CHD6: variants seen among roughly 807,000 people sequenced by gnomAD.
The protein encoded by CHD6 is ATP-dependent chromatin remodeler CHD6.
CHD6 carries 50 observed loss-of-function variants against 276.9 expected under a neutral mutation model. The ratio of observed to expected loss-of-function variants is 0.18; its 90% CI spans 0.14 to 0.23. The LOEUF (loss-of-function observed/expected upper bound fraction) is 0.23. Among genes scored for constraint, CHD6 ranks in the 10% least tolerant of loss-of-function variants. The pLI is 1.00. For synonymous variants in CHD6, 1,173 were observed against 1,229.3 expected, an observed-to-expected ratio of 0.95 and a Z score of 0.96; for missense variants, 2,564 against 3,365.8, an observed-to-expected ratio of 0.76 and a Z score of 5.89.
intron 31 of CHD6, among the ~76,000 whole-genome samples, chr20:41,420,271 TTA>T (rs958201346): frequency 4.6e-5 from 7 of 152,110 alleles, no homozygotes; most frequent in Admixed American, 3.3e-4. Context: ...CCTGCCCAAA[TTA>T]TATGAGTGAG....
At position 41,452,915 on chromosome 20, in the gene CHD6, C is replaced by G; in HGVS notation, c.3148G>C (p.Val1050Leu). The G allele has an allele frequency of 6.2e-7, 1 of 1,613,738 alleles. No individual in the cohort carries two copies. Among genetic ancestry groups the G allele is most frequent in the Non-Finnish European group, 8.5e-7 (1 of 1,179,942 alleles). Residue 1050 changes from valine (V) to leucine (L), a missense_variant, in exon 21 of 37, where the codon GTG (valine) becomes CTG (leucine). Val to Leu is a conservative substitution (Grantham distance 32). Transcript: ENST00000373233. This position sits in a 1 kb window ranked among gnomAD's most constrained non-coding sequence, Gnocchi z 4.2. ...KESLVIDRPR[V>L]RKQTKHYNSF... ...TTGTAGTGTTTGGTCTGCTTTCTCA[C>G]GCGAGGTCGGTCGATCACTAAGCTT...
At chr20:41,419,615 G>A (rs2047121525) in intron 31 of CHD6, among the ~76,000 whole-genome samples, 1 of 130,228 alleles carries the variant, frequency 7.7e-6, no homozygotes, top group Non-Finnish European at 1.6e-5. Flanking sequence ...GAGGGACTTA[G>A]CTTAGCTCCT....
At chr20:41,492,385 T>C (rs2043576870) in intron 10 of CHD6, among the ~76,000 whole-genome samples, 1 of 152,208 alleles carries the variant, frequency 6.6e-6, no homozygotes, top group African/African-American at 2.4e-5. Context: ...CTATCTACCT[T>C]TCATATGCCA....
At chr20:41,439,970 A>T (rs1462920642) in intron 26 of CHD6, 30 bp downstream of exon 26, 1 of 1,611,398 alleles carries the variant, frequency 6.2e-7, no homozygotes, top group South Asian at 1.1e-5. Flanking sequence ...ATGGCATGTC[A>T]CATGAGGGCT....
intron 1 of CHD6, among the ~76,000 whole-genome samples, chr20:41,596,444 T>C (rs1270461111): frequency 6.6e-6 from 1 of 152,114 alleles, no homozygotes; most frequent in Non-Finnish European, 1.5e-5. Flanking sequence ...ATCTTCAGTA[T>C]TCTCTTTTCG....
intron 1 of CHD6, among the ~76,000 whole-genome samples, chr20:41,558,382 G>A (rs866365710): frequency 4.6e-5 from 7 of 152,210 alleles, no homozygotes; most frequent in South Asian, 2.1e-4. Flanking sequence ...AATCTATGGC[G>A]TCTGCCACAT....
intron 1 of CHD6, among the ~76,000 whole-genome samples, chr20:41,557,647 T>C (rs2045255739): frequency 6.6e-6 from 1 of 152,056 alleles, no homozygotes; most frequent in Admixed American, 6.6e-5. Context: ...ATTACAAGAG[T>C]GTGTGTTTTT....
intron 27 of CHD6, among the ~76,000 whole-genome samples, chr20:41,429,846 G>A (rs2047479562): frequency 6.6e-6 from 1 of 152,118 alleles, no homozygotes; most frequent in Non-Finnish European, 1.5e-5. Flanking sequence ...CGCTAAAGAG[G>A]GAACGCCACA....
intron 16 of CHD6, among the ~76,000 whole-genome samples, chr20:41,477,377 C>G (rs2043191305): frequency 6.6e-6 from 1 of 151,998 alleles, no homozygotes; most frequent in South Asian, 2.1e-4. Context: ...CCCTATATTT[C>G]ATAGAATTTT....
At position 41,483,211 on chromosome 20, in the gene CHD6, T is replaced by C. The variant is rs2043334723; in HGVS notation, c.2468+98A>G. 12 of 1,053,208 alleles carry C rather than the reference T, an allele frequency of 1.1e-5. No homozygotes were observed. The East Asian group carries it at 2.8e-4, about 25-fold the overall frequency. 65.2% of individuals were successfully genotyped at this position (1,053,208 alleles called of 1,614,324 possible). A position where few individuals can be genotyped will look rare whatever the true frequency, so the allele number is the denominator to read the frequency against. On this transcript the variant is annotated intron_variant, in intron 16 of 36. Transcript: ENST00000373233. The stretch of plus-strand genomic sequence containing the variant: ...GAGATTCCTTTCCTCCGTTTTTGAA[T>C]GTTTTGTGTTTAAACAAAATTTTTG...
intron 18 of CHD6, among the ~76,000 whole-genome samples, 197 bp downstream of exon 18, chr20:41,457,067 G>A (rs758344578): frequency 2.4e-4 from 36 of 152,120 alleles, no homozygotes; most frequent in Admixed American, 2.0e-4. Context: ...CTGCTTCTAC[G>A]GATTTCCTTT....
At chr20:41,594,557 G>T (rs1172549030) in intron 1 of CHD6, among the ~76,000 whole-genome samples, 6 of 152,196 alleles carry the variant, frequency 3.9e-5, no homozygotes, top group Admixed American at 1.3e-4. Flanking sequence ...CCACCTAAAA[G>T]TTGACCTACC....
chr20:41,447,366 G>C (rs2048101592), intron 24 of CHD6, among the ~76,000 whole-genome samples: 2 of 152,160 alleles, frequency 1.3e-5, no homozygotes, highest in Admixed American at 1.3e-4. Flanking sequence ...CTGAGAACCT[G>C]GTAGCCTCAA....
In CHD6 at chr20:41,445,348, TG is replaced by T. The variant is rs568208788; in HGVS notation, c.3877+316del. On this transcript the variant is annotated intron_variant, in intron 25 of 36. Coordinates refer to ENST00000373233, the MANE Select transcript of CHD6 (RefSeq NM_032221.5). ...ACTCCTTCATTCAAGGTGTCTACTA[TG>T]TGCCATGCACTGGGACTATTAGAGG... Among the ~76,000 whole-genome samples, 337 of 152,360 alleles carry T rather than the reference TG, an allele frequency of 2.2e-3. 5 individuals are homozygous for T. The South Asian group carries it at 0.038, about 17-fold the overall frequency.
At chr20:41,502,931 G>A (rs1202156174) in intron 5 of CHD6, among the ~76,000 whole-genome samples, 1 of 152,174 alleles carries the variant, frequency 6.6e-6, no homozygotes, top group Admixed American at 6.5e-5. Flanking sequence ...ACTTGAACCT[G>A]GGAGGTGGAG....
At chr20:41,613,173 A>G (rs1015612837) in intron 1 of CHD6, among the ~76,000 whole-genome samples, 43 of 152,240 alleles carry the variant, frequency 2.8e-4, no homozygotes, top group Non-Finnish European at 6.0e-4. Context: ...ACTAAAAATT[A>G]GCACTAATGG....
intron 2 of CHD6, among the ~76,000 whole-genome samples, chr20:41,536,811 C>T (rs1394131328): frequency 1.3e-5 from 2 of 152,240 alleles, no homozygotes; most frequent in East Asian, 3.9e-4. Context: ...ACAATCATTG[C>T]CTATAAGCTG....
chr20:41,525,676 A>G (rs1358697313), intron 3 of CHD6, among the ~76,000 whole-genome samples: 2 of 152,172 alleles, frequency 1.3e-5, no homozygotes, highest in Non-Finnish European at 1.5e-5. Flanking sequence ...AGCCCCTAAA[A>G]AGAACATTTG....
At chr20:41,543,633 G>A (rs1327232515) in intron 2 of CHD6, among the ~76,000 whole-genome samples, 1 of 152,144 alleles carries the variant, frequency 6.6e-6, no homozygotes, top group Non-Finnish European at 1.5e-5. Flanking sequence ...TTAAATAAAT[G>A]ATGTCTAAGA....
Sources: allele counts gnomAD v4.1 joint callset (sites outside exome capture counted in the v4.1 genomes callset), GRCh38; gene constraint gnomAD v4.1.1; non-coding constraint Gnocchi (gnomAD v3.1); transcripts MANE v1.5; gene names NCBI Gene and HGNC (gene_info 2026-07-23, HGNC 2026-07-21).